The following PTN variants were observed in gnomAD, a reference collection of about 807,000 sequenced individuals.
PTN encodes the protein pleiotrophin, also known as heparin affin regulatory protein.
PTN carries 18 observed loss-of-function variants against 24.1 expected under a neutral mutation model. That is an observed-to-expected ratio of 0.75 (90% CI 0.52 to 1.11). The LOEUF (loss-of-function observed/expected upper bound fraction) is 1.11, where lower values mean the gene tolerates loss of function less well. PTN is among the 50% of genes least tolerant of loss of function. PTN has a pLI of 0.00. For synonymous variants in PTN, 78 were observed against 68.6 expected (o/e 1.14, Z -0.67); for missense variants, 163 against 198.8 (o/e 0.82, Z 1.08).
chr7:137,242,818 TGCCTATAGA>T (rs751285986), intron 4 of PTN, among the ~76,000 whole-genome samples: 40 of 152,338 alleles, frequency 2.6e-4, no homozygotes, highest in Admixed American at 5.9e-4. Flanking sequence ...CAGACAGGAC[TGCCTATAGA>T]GCCACAGCAC....
intron 1 of PTN, among the ~76,000 whole-genome samples, chr7:137,324,433 A>AAATATAT: frequency 3.6e-3 from 323 of 88,766 alleles, no homozygotes; most frequent in Admixed American, 6.1e-3. Flanking sequence ...AAAAAAAAAA[A>AAATATAT]ATATATATAT....
At chr7:137,256,126 G>A (rs989480575) in intron 1 of PTN, among the ~76,000 whole-genome samples, 2 of 152,024 alleles carry the variant, frequency 1.3e-5, no homozygotes, top group South Asian at 2.1e-4. Flanking sequence ...ATCCTTGCCC[G>A]TGAATTTTTC....
rs1808880784 is a variant in PTN, at chr7:137,254,347, G to T, written c.115+512C>A. Among the ~76,000 whole-genome samples the T allele has an allele frequency of 3.3e-5, 5 of 151,942 alleles. No individual in the cohort carries two copies. In the South Asian group the frequency reaches 1.0e-3, roughly 32 times the overall value. On this transcript the variant is annotated intron_variant, in intron 2 of 4. Coordinates refer to ENST00000348225, the MANE Select transcript of PTN (RefSeq NM_002825.7). ...TGTCAAATGAGCCATTTCAGTGTAA[G>T]TTGTTGTTCCTTTCTCTGCCTTGTA...
intron 4 of PTN, among the ~76,000 whole-genome samples, chr7:137,244,251 T>A (rs755085138): frequency 6.6e-6 from 1 of 152,056 alleles, no homozygotes; most frequent in Non-Finnish European, 1.5e-5. Flanking sequence ...ACTGCCTCCA[T>A]CTCCAGGAAA....
intron 4 of PTN, among the ~76,000 whole-genome samples, chr7:137,232,714 C>T (rs1200937705): frequency 6.6e-6 from 1 of 152,070 alleles, no homozygotes; most frequent in Admixed American, 6.6e-5. Flanking sequence ...TGTCCCCACC[C>T]AAATCTCACC....
At chr7:137,258,275 A>G (rs1298812659) in intron 1 of PTN, among the ~76,000 whole-genome samples, 1 of 152,202 alleles carries the variant, frequency 6.6e-6, no homozygotes, top group Non-Finnish European at 1.5e-5. Context: ...AGTTGGAGAG[A>G]AAGTAGAATG....
At chr7:137,265,275 A>G (rs1000295237) in intron 1 of PTN, among the ~76,000 whole-genome samples, 2 of 152,158 alleles carry the variant, frequency 1.3e-5, no homozygotes, top group Admixed American at 6.5e-5. Context: ...TCACTTTACA[A>G]TGTCTTATTT....
rs115537881 is a variant in PTN at position 137,234,670 on chromosome 7, A to G, written c.452-6595T>C. Among the ~76,000 whole-genome samples, 733 of 152,238 alleles carry G rather than the reference A, an allele frequency of 4.8e-3. 7 individuals carry two copies. The highest frequency in any genetic ancestry group is 0.017 in the African/African-American group (704 of 41,574). ...AAGACATCTGTTTAAAGATTGTTCAAAGACCTTAAGGGGACATGTTTTTCA... is the reference window on the plus strand; with the variant it reads ...AAGACATCTGTTTAAAGATTGTTCAGAGACCTTAAGGGGACATGTTTTTCA... On this transcript the variant is annotated intron_variant, in intron 4 of 4. Coordinates refer to ENST00000348225, the MANE Select transcript of PTN (RefSeq NM_002825.7).
chr7:137,278,226 G>C (rs1809399437), intron 1 of PTN, among the ~76,000 whole-genome samples: 1 of 142,516 alleles, frequency 7.0e-6, no homozygotes, highest in African/African-American at 2.6e-5. Flanking sequence ...AGAATGGCGT[G>C]AACCCGGGAG....
Position 137,251,321 on chromosome 7 carries a change from T to C in PTN, c.360A>G (p.Gly120=), listed in dbSNP as rs1249769266. ...DLNTALKTRT[G]SLKRALHNAE... Reference sequence around the variant, plus strand: ...CATTGTGCAGGGCTCGCTTCAGACTTCCAGTTCTGGTCTTCAGGGCTGTGT... The same window carrying C: ...CATTGTGCAGGGCTCGCTTCAGACTCCCAGTTCTGGTCTTCAGGGCTGTGT... The change falls in exon 4 of 5, where the codon GGA becomes GGG. Residue 120 remains glycine, a synonymous_variant. Transcript: ENST00000348225. The C allele has an allele frequency of 5.0e-6, 8 of 1,614,024 alleles. No homozygotes were observed. The Admixed American group carries it at 1.2e-4, about 24-fold the overall frequency.
chr7:137,253,389 C>G (rs764396230), intron 3 of PTN, 75 bp downstream of exon 3: 1 of 1,430,138 alleles, frequency 7.0e-7, no homozygotes, highest in East Asian at 2.4e-5. Flanking sequence ...AGTACTTATC[C>G]TTAAAAAGAC....
chr7:137,246,454 G>C (rs905321886), intron 4 of PTN, among the ~76,000 whole-genome samples: 3 of 152,140 alleles, frequency 2.0e-5, no homozygotes, highest in Admixed American at 6.5e-5. Context: ...GTTGTTAAGT[G>C]ACACATGACT....
At chr7:137,245,777 T>C (rs1808712060) in intron 4 of PTN, among the ~76,000 whole-genome samples, 1 of 152,174 alleles carries the variant, frequency 6.6e-6, no homozygotes, top group Non-Finnish European at 1.5e-5. Flanking sequence ...TGACCCTGTG[T>C]AGACCTAGGC....
chr7:137,266,625 CT>C (rs924471619), intron 1 of PTN, among the ~76,000 whole-genome samples: 4 of 149,964 alleles, frequency 2.7e-5, no homozygotes, highest in Non-Finnish European at 5.9e-5. Flanking sequence ...TCTGCCTCCC[CT>C]TTTTTTTCCT....
chr7:137,241,393 C>G (rs922027602), intron 4 of PTN, among the ~76,000 whole-genome samples: 5 of 152,132 alleles, frequency 3.3e-5, no homozygotes, highest in African/African-American at 1.2e-4. Context: ...AAACTTTACT[C>G]AAAACACACT....
At chr7:137,302,948 A>G (rs1185582420) in intron 1 of PTN, among the ~76,000 whole-genome samples, 1 of 150,304 alleles carries the variant, frequency 6.7e-6, no homozygotes, top group African/African-American at 2.5e-5. Flanking sequence ...GTATGGTCTC[A>G]AAAAGAAAGT....
chr7:137,236,381 C>T, intron 4 of PTN: 1 of 647,500 alleles, frequency 1.5e-6, no homozygotes, highest in Admixed American at 2.3e-5. Context: ...CCTGATCTGA[C>T]CCATACATAC....
chr7:137,271,360 A>G (rs1809268726), intron 1 of PTN, among the ~76,000 whole-genome samples: 1 of 152,216 alleles, frequency 6.6e-6, no homozygotes, highest in Non-Finnish European at 1.5e-5. Context: ...CGTTGTGACT[A>G]AAAGCATGGA....
Position 137,251,303 on chromosome 7 carries a change from C to T in PTN, c.378G>A (p.Leu126=). Residue 126 remains leucine (L), a synonymous_variant, in exon 4 of 5, where the codon CTG becomes CTA. Coordinates refer to ENST00000348225, the MANE Select transcript of PTN (RefSeq NM_002825.7). ...KTRTGSLKRA[L]HNAECQKTVT... The stretch of plus-strand genomic sequence containing the variant: ...CAGTCTTCTGGCATTCGGCATTGTG[C>T]AGGGCTCGCTTCAGACTTCCAGTTC... The T allele has an allele frequency of 6.2e-7, 1 of 1,614,112 alleles. No individual in the cohort carries two copies. Among genetic ancestry groups the T allele is most frequent in the South Asian group, 1.1e-5 (1 of 91,080 alleles).
Sources: allele counts gnomAD v4.1 joint callset (sites outside exome capture counted in the v4.1 genomes callset), GRCh38; gene constraint gnomAD v4.1.1; transcripts MANE v1.5; gene names NCBI Gene and HGNC (gene_info 2026-07-23, HGNC 2026-07-21).